OTUD7A: variants seen among roughly 807,000 people sequenced by gnomAD.
The protein encoded by OTUD7A is OTU domain-containing protein 7A.
OTUD7A carries 12 observed loss-of-function variants against 65.7 expected under a neutral mutation model. The observed-to-expected ratio is 0.18, with a 90% confidence interval of 0.12 to 0.30. OTUD7A has a LOEUF of 0.30. Among genes scored for constraint, OTUD7A ranks in the 10% least tolerant of loss-of-function variants. The pLI is 1.00. For missense variants in OTUD7A, 1,148 were observed against 1,304.8 expected, an observed-to-expected ratio of 0.88 and a Z score of 1.85; for synonymous variants, 641 against 586.3, an observed-to-expected ratio of 1.09 and a Z score of -1.35.
At chr15:31,692,898 C>A (rs1429481687) in intron 1 of OTUD7A, among the ~76,000 whole-genome samples, 10 of 82,572 alleles carry the variant, frequency 1.2e-4, no homozygotes, top group Non-Finnish European at 2.0e-4. Flanking sequence ...GGATGCCCAT[C>A]CCCACCACTA....
intron 1 of OTUD7A, among the ~76,000 whole-genome samples, chr15:31,796,377 G>A (rs1193916952): frequency 6.6e-6 from 1 of 152,158 alleles, no homozygotes; most frequent in Non-Finnish European, 1.5e-5. Flanking sequence ...GGAGTCTGAA[G>A]GCTGTCTGAA....
intron 1 of OTUD7A, among the ~76,000 whole-genome samples, chr15:31,841,886 G>C (rs1897190982): frequency 6.6e-6 from 1 of 152,088 alleles, no homozygotes; most frequent in African/African-American, 2.4e-5. Context: ...CCACTCCTAG[G>C]TCCACCCAAC....
chr15:31,726,963 C>T (rs1445536609), intron 1 of OTUD7A, among the ~76,000 whole-genome samples: 1 of 152,226 alleles, frequency 6.6e-6, no homozygotes, highest in East Asian at 1.9e-4. Flanking sequence ...CGTCTGAAAT[C>T]TTCACTTACA....
At chr15:31,575,986 G>T (rs1444311049) in intron 3 of OTUD7A, among the ~76,000 whole-genome samples, 1 of 152,108 alleles carries the variant, frequency 6.6e-6, no homozygotes, top group East Asian at 1.9e-4. Flanking sequence ...ATAAAGTACT[G>T]AGGGATATAT....
chr15:31,855,231 C>T (rs994563295), intron 1 of OTUD7A, among the ~76,000 whole-genome samples: 4 of 151,750 alleles, frequency 2.6e-5, no homozygotes, highest in African/African-American at 7.3e-5. Flanking sequence ...GTAAATTAAC[C>T]GAATTAAAAG....
chr15:31,490,417 T>C (rs886065967), intron 10 of OTUD7A, among the ~76,000 whole-genome samples: 1 of 152,258 alleles, frequency 6.6e-6, no homozygotes, highest in Non-Finnish European at 1.5e-5. Flanking sequence ...TTCTGGTTTT[T>C]GTCTCCGATG....
chr15:31,653,456 T>C (rs533220854), intron 3 of OTUD7A, among the ~76,000 whole-genome samples: 99 of 151,928 alleles, frequency 6.5e-4, no homozygotes, highest in South Asian at 1.3e-3. Context: ...TACTGACACA[T>C]GACTTGATGA....
Position 31,483,150 on chromosome 15 carries a change from G to A in OTUD7A, c.*144C>T. ...GTCAGTGTAGGTTCAGGCACCATTA[G>A]GAACGTTTGACCAAACACGTACACG... is the stretch of plus-strand genomic sequence containing the variant. On this transcript the variant is annotated 3_prime_UTR_variant, in exon 13 of 13. Transcript: ENST00000307050. The A allele has an allele frequency of 1.9e-5, 15 of 788,446 alleles. No homozygotes were observed. The highest frequency in any genetic ancestry group is 2.3e-5 in the Non-Finnish European group (15 of 641,970). 48.8% of individuals were successfully genotyped at this position (788,446 alleles called of 1,614,324 possible). A position where few individuals can be genotyped will look rare whatever the true frequency, so the allele number is the denominator to read the frequency against.
chr15:31,768,205 T>G, intron 1 of OTUD7A: 1 of 1,095,006 alleles, frequency 9.1e-7, no homozygotes, highest in Non-Finnish European at 1.4e-6. Context: ...TCTCCACAGG[T>G]CTGTCAGCGT....
At chr15:31,611,252 A>G (rs1890411547) in intron 3 of OTUD7A, among the ~76,000 whole-genome samples, 1 of 152,222 alleles carries the variant, frequency 6.6e-6, no homozygotes, top group South Asian at 2.1e-4. Context: ...GGAACTAGAG[A>G]AACAAGAACA....
chr15:31,850,448 A>G (rs1302259638), intron 1 of OTUD7A, among the ~76,000 whole-genome samples: 1 of 152,116 alleles, frequency 6.6e-6, no homozygotes, highest in African/African-American at 2.4e-5. Flanking sequence ...ATTAGGAGAA[A>G]TATCTAATGT....
rs898098034 is a variant in OTUD7A, at chr15:31,498,987, G to A, written c.1171+2703C>T. On this transcript the variant is annotated intron_variant, in intron 10 of 12. Coordinates refer to ENST00000307050, the MANE Select transcript of OTUD7A (RefSeq NM_001382637.1). This position sits in a 1 kb window ranked among gnomAD's most constrained non-coding sequence, Gnocchi z 4.2. Reference sequence around the variant, plus strand: ...GTCAGTGGCGGCATCAGCAGTAGCCGGGCCACGGCAGTAGCACCTATAAGA... The same window carrying A: ...GTCAGTGGCGGCATCAGCAGTAGCCAGGCCACGGCAGTAGCACCTATAAGA... Among the ~76,000 whole-genome samples the A allele has an allele frequency of 1.3e-5, 2 of 152,110 alleles. No homozygotes were observed. Among genetic ancestry groups the A allele is most frequent in the African/African-American group, 2.4e-5 (1 of 41,418 alleles).
chr15:31,593,359 G>A (rs1889807872), intron 3 of OTUD7A, among the ~76,000 whole-genome samples: 2 of 152,032 alleles, frequency 1.3e-5, no homozygotes, highest in African/African-American at 4.8e-5. Flanking sequence ...GTGGGGTCTC[G>A]GGGTCAGAGC....
chr15:31,538,203 C>T (rs1178221931), intron 5 of OTUD7A, among the ~76,000 whole-genome samples: 1 of 152,176 alleles, frequency 6.6e-6, no homozygotes, highest in Non-Finnish European at 1.5e-5. Context: ...GATGTGTGGC[C>T]TGATGCGGCC....
chr15:31,617,412 G>A (rs896902257), intron 3 of OTUD7A, among the ~76,000 whole-genome samples: 1 of 152,074 alleles, frequency 6.6e-6, no homozygotes, highest in Non-Finnish European at 1.5e-5. Context: ...GCTTGAACCC[G>A]GGAGACAGAG....
intron 1 of OTUD7A, among the ~76,000 whole-genome samples, chr15:31,816,755 G>T (rs1227884101): frequency 6.6e-6 from 1 of 152,204 alleles, no homozygotes; most frequent in African/African-American, 2.4e-5. Flanking sequence ...AAGAATCCTA[G>T]GGTAAATCCT....
intron 3 of OTUD7A, among the ~76,000 whole-genome samples, chr15:31,599,845 A>G (rs1039291476): frequency 5.3e-5 from 8 of 152,182 alleles, no homozygotes; most frequent in East Asian, 1.9e-4. Context: ...CGTGAAGCAT[A>G]CACAAATATC....
intron 3 of OTUD7A, among the ~76,000 whole-genome samples, chr15:31,614,987 A>C (rs767403850): frequency 8.5e-5 from 13 of 152,348 alleles, no homozygotes; most frequent in Non-Finnish European, 1.8e-4. Context: ...GTAACTACCA[A>C]AAGAATAGTA....
intron 3 of OTUD7A, among the ~76,000 whole-genome samples, chr15:31,638,681 C>T (rs1744706008): frequency 6.6e-6 from 1 of 151,978 alleles, no homozygotes; most frequent in African/African-American, 2.4e-5. Flanking sequence ...AGGTGTGAGC[C>T]ACTGTGCTTA....
Sources: gnomAD v4.1 joint callset for allele counts (sites outside exome capture counted in the v4.1 genomes callset) on GRCh38, gnomAD v4.1.1 for gene constraint, Gnocchi (gnomAD v3.1) non-coding constraint, MANE v1.5 for transcripts, NCBI Gene and HGNC (gene_info 2026-07-23, HGNC 2026-07-21) for gene names.